The following ZBTB20 variants were observed in gnomAD, a reference collection of about 807,000 sequenced individuals.
ZBTB20 encodes zinc finger and BTB domain-containing protein 20.
In ZBTB20, 9 loss-of-function variants were observed where a neutral mutation model predicts 56.9. The ratio of observed to expected loss-of-function variants is 0.16; its 90% CI spans 0.10 to 0.28. ZBTB20 has a LOEUF of 0.28. Among genes scored for constraint, ZBTB20 ranks in the 10% least tolerant of loss-of-function variants. ZBTB20 has a pLI of 1.00. For missense variants in ZBTB20, 655 were observed against 1,003.0 expected, an observed-to-expected ratio of 0.65 and a Z score of 4.69; for synonymous variants, 417 against 420.7, an observed-to-expected ratio of 0.99 and a Z score of 0.11.
Position 114,793,662 on chromosome 3 carries a change from G to A in ZBTB20, c.-343+7439C>T, listed in dbSNP as rs547955450. 3.3e-5 allele frequency among the ~76,000 whole-genome samples: 5 copies of A among 152,200 alleles called. No homozygotes were observed. The East Asian group carries it at 7.7e-4, about 24-fold the overall frequency. On this transcript the variant is annotated intron_variant, in intron 5 of 11. Coordinates refer to ENST00000675478, the MANE Select transcript of ZBTB20 (RefSeq NM_001348800.3). ...AATTCTACTTTGCCAGATGAGGTGC[G>A]TAAACCATAGAAAACTAACTAGCAT...
At chr3:114,873,965 C>T (rs921342928) in intron 4 of ZBTB20, 4 of 152,140 alleles carry the variant, frequency 2.6e-5, no homozygotes, top group African/African-American at 9.7e-5. Flanking sequence ...ACCAACACTG[C>T]CTGGACAAAT....
intron 6 of ZBTB20, among the ~76,000 whole-genome samples, chr3:114,589,799 G>C (rs1429319440): frequency 6.6e-6 from 1 of 152,186 alleles, no homozygotes; most frequent in Non-Finnish European, 1.5e-5. Flanking sequence ...AAAAGTGCTT[G>C]TAAGTATAAA....
chr3:114,434,090 T>A (rs1190081331), intron 7 of ZBTB20, among the ~76,000 whole-genome samples: 1 of 152,138 alleles, frequency 6.6e-6, no homozygotes, highest in Non-Finnish European at 1.5e-5. Context: ...ATATTTTAGA[T>A]GATTATTAAC....
At chr3:114,657,865 G>A (rs984234813) in intron 6 of ZBTB20, among the ~76,000 whole-genome samples, 16 of 152,022 alleles carry the variant, frequency 1.1e-4, no homozygotes, top group South Asian at 4.2e-4. Context: ...GTTTGGAACT[G>A]TTATCTGTGG....
intron 4 of ZBTB20, among the ~76,000 whole-genome samples, chr3:114,872,397 C>G (rs1437051289): frequency 6.6e-6 from 1 of 151,944 alleles, no homozygotes; most frequent in Non-Finnish European, 1.5e-5. Context: ...TGTGTTGTAA[C>G]CAAGATTATG....
intron 5 of ZBTB20, among the ~76,000 whole-genome samples, chr3:114,705,796 T>C (rs1324763209): frequency 1.3e-5 from 2 of 152,184 alleles, no homozygotes; most frequent in African/African-American, 2.4e-5. Context: ...AACCCAGCAC[T>C]GGGAGATGTC....
At position 114,780,537 on chromosome 3, in the gene ZBTB20, G is replaced by A. The variant is rs893574303; in HGVS notation, c.-343+20564C>T. Among the ~76,000 whole-genome samples, 5 of 152,130 alleles carry A rather than the reference G, an allele frequency of 3.3e-5. No homozygotes were observed. In the East Asian group the frequency reaches 9.6e-4, roughly 29 times the overall value. ...GGAGTCTCGTTCTGTTGCCAGGCTG[G>A]AGTGCAGTGGTGCGATCTCGGCTCA... On this transcript the variant is annotated intron_variant, in intron 5 of 11. Transcript: ENST00000675478.
chr3:114,459,205 G>T (rs1411195657), intron 7 of ZBTB20, among the ~76,000 whole-genome samples: 1 of 151,872 alleles, frequency 6.6e-6, no homozygotes, highest in African/African-American at 2.4e-5. Flanking sequence ...TTTTTTTCTG[G>T]TTCAGCTCTT....
chr3:114,549,602 G>A (rs2050304445), intron 6 of ZBTB20, among the ~76,000 whole-genome samples: 1 of 152,004 alleles, frequency 6.6e-6, no homozygotes, highest in African/African-American at 2.4e-5. Context: ...CTATATAAGT[G>A]CTAATGATGA....
At chr3:114,639,445 C>T (rs574593226) in intron 6 of ZBTB20, among the ~76,000 whole-genome samples, 2 of 151,568 alleles carry the variant, frequency 1.3e-5, no homozygotes, top group South Asian at 4.2e-4. Context: ...TCTTTGTGAA[C>T]TAGTCCACAA....
At chr3:114,343,311 T>C (rs548435566) in intron 11 of ZBTB20, among the ~76,000 whole-genome samples, 3 of 152,326 alleles carry the variant, frequency 2.0e-5, no homozygotes, top group African/African-American at 7.2e-5. Context: ...CTTATTCTAC[T>C]GATTTTTTTC....
At chr3:115,050,468 G>C (rs1050846500) in intron 2 of ZBTB20, among the ~76,000 whole-genome samples, 6 of 151,838 alleles carry the variant, frequency 4.0e-5, no homozygotes, top group Admixed American at 1.3e-4. Context: ...AATGAATTAA[G>C]CTCTCTTCAT....
chr3:114,762,822 G>A (rs141360057), intron 5 of ZBTB20, among the ~76,000 whole-genome samples: 3,016 of 152,220 alleles, frequency 0.02, 46 homozygotes, highest in Non-Finnish European at 0.031. Context: ...ATGATACCTG[G>A]ATTGGTTACA....
chr3:114,651,078 G>A (rs1316683314), intron 6 of ZBTB20, among the ~76,000 whole-genome samples: 1 of 152,056 alleles, frequency 6.6e-6, no homozygotes, highest in African/African-American at 2.4e-5. Context: ...GTATCAAAAT[G>A]TAGTTGCCAT....
intron 4 of ZBTB20, among the ~76,000 whole-genome samples, chr3:114,813,633 C>G (rs978895838): frequency 2.0e-5 from 3 of 152,180 alleles, no homozygotes; most frequent in African/African-American, 7.2e-5. Flanking sequence ...TACCTGTAGT[C>G]CCAGCTACTT....
chr3:114,873,625 C>A (rs180811881), intron 4 of ZBTB20, among the ~76,000 whole-genome samples: 1 of 152,182 alleles, frequency 6.6e-6, no homozygotes, highest in East Asian at 1.9e-4. Flanking sequence ...TGAGAAATAA[C>A]ACAAAAGGTT....
At chr3:115,001,570 G>T (rs2079249492) in intron 2 of ZBTB20, among the ~76,000 whole-genome samples, 1 of 150,164 alleles carries the variant, frequency 6.7e-6, no homozygotes, top group Non-Finnish European at 1.5e-5. Flanking sequence ...AGGCATTAAA[G>T]GTATACAAAA....
Position 114,486,134 on chromosome 3 carries a change from GTGT to G in ZBTB20, c.-255+14215_-255+14217del, listed in dbSNP as rs1318329100. On this transcript the variant is annotated intron_variant, in intron 7 of 11. Coordinates refer to ENST00000675478, the MANE Select transcript of ZBTB20 (RefSeq NM_001348800.3). ...GGTCAGTAAGAGTGTGTGTGTGTGT[GTGT>G]GGGGGGGGGGGGCGGTGTATGAATT... Among the ~76,000 whole-genome samples the G allele has an allele frequency of 2.1e-3, 170 of 81,258 alleles. 2 individuals are homozygous for G. The highest frequency in any genetic ancestry group is 6.6e-3 in the African/African-American group (138 of 21,036). The allele number at this position is 81,258 out of a possible 152,430, so 53.3% of individuals were successfully genotyped here.
intron 5 of ZBTB20, among the ~76,000 whole-genome samples, chr3:114,697,786 A>G (rs549806248): frequency 2.5e-4 from 38 of 152,118 alleles, no homozygotes; most frequent in African/African-American, 8.7e-4. Context: ...TAGGGAGAGG[A>G]AAAAATAGGA....
Sources: gnomAD v4.1 joint callset for allele counts (sites outside exome capture counted in the v4.1 genomes callset) on GRCh38, gnomAD v4.1.1 for gene constraint, MANE v1.5 for transcripts, NCBI Gene and HGNC (gene_info 2026-07-23, HGNC 2026-07-21) for gene names.